Variants in EXOC4 observed in about 807,000 individuals in gnomAD.
The protein encoded by EXOC4 is SEC8-like 1.
In EXOC4, 71 loss-of-function variants were observed where a neutral mutation model predicts 107.2. The ratio of observed to expected loss-of-function variants is 0.66; its 90% CI spans 0.55 to 0.81. The LOEUF is 0.81. Ranked by LOEUF, EXOC4 falls within the 30% of genes least tolerant of loss-of-function variation. EXOC4 has a pLI of 0.00. For missense variants in EXOC4, 1,108 were observed against 1,189.6 expected (o/e 0.93, Z 1.01); for synonymous variants, 456 against 441.2 (o/e 1.03, Z -0.42).
intron 9 of EXOC4, among the ~76,000 whole-genome samples, chr7:133,481,740 C>G (rs1799163132): frequency 6.6e-6 from 1 of 152,106 alleles, no homozygotes; most frequent in South Asian, 2.1e-4. Context: ...AAAGGGTTGT[C>G]ATGCATTCTG....
chr7:133,844,378 C>CATTTTTTTT (rs1371732321), intron 11 of EXOC4, among the ~76,000 whole-genome samples: 1 of 83,346 alleles, frequency 1.2e-5, no homozygotes, highest in Non-Finnish European at 2.2e-5. Flanking sequence ...CCACATATTC[C>CATTTTTTTT]TTTTTTTTTT....
chr7:133,507,220 T>A (rs1799683037), intron 9 of EXOC4, among the ~76,000 whole-genome samples: 1 of 152,182 alleles, frequency 6.6e-6, no homozygotes, highest in South Asian at 2.1e-4. Context: ...TTAATTAACA[T>A]CCTACATTAG....
intron 6 of EXOC4, among the ~76,000 whole-genome samples, chr7:133,363,046 T>G (rs1332083494): frequency 1.3e-5 from 2 of 152,220 alleles, no homozygotes; most frequent in African/African-American, 4.8e-5. Flanking sequence ...GATGAGTAGT[T>G]AATTCGAATC....
In EXOC4 at chr7:134,064,279, T is replaced by C. The variant is rs765053771; in HGVS notation, c.2688-12T>C. 7.0e-7 allele frequency: 1 copy of C among 1,422,388 alleles called. No homozygotes were observed. Among genetic ancestry groups the C allele is most frequent in the Non-Finnish European group, 9.3e-7 (1 of 1,076,172 alleles). 88.1% of individuals were successfully genotyped at this position (1,422,388 alleles called of 1,614,324 possible). A position where few individuals can be genotyped will look rare whatever the true frequency, so the allele number is the denominator to read the frequency against. On this transcript the variant is annotated splice_polypyrimidine_tract_variant and intron_variant, in intron 17 of 17. Coordinates refer to ENST00000253861, the MANE Select transcript of EXOC4 (RefSeq NM_021807.4). ...GGGAGCCAGTGAGCAGTGTTCTCTCTTGCTTTCTCAGGCAGTACTACGAGA... is the reference window on the plus strand; with the variant it reads ...GGGAGCCAGTGAGCAGTGTTCTCTCCTGCTTTCTCAGGCAGTACTACGAGA...
chr7:133,420,469 G>T (rs955406302), intron 7 of EXOC4, among the ~76,000 whole-genome samples: 1 of 152,144 alleles, frequency 6.6e-6, no homozygotes, highest in Non-Finnish European at 1.5e-5. Flanking sequence ...AGCCAGCAGT[G>T]GGGTTGGTGG....
intron 6 of EXOC4, among the ~76,000 whole-genome samples, chr7:133,373,132 A>G (rs1796412972): frequency 6.6e-6 from 1 of 152,186 alleles, no homozygotes. Context: ...ACTGATCTGT[A>G]TGATGCCAGA....
chr7:133,844,951 G>A (rs1443238887), intron 11 of EXOC4, among the ~76,000 whole-genome samples: 1 of 151,996 alleles, frequency 6.6e-6, no homozygotes, highest in Non-Finnish European at 1.5e-5. Context: ...AAATTTCATT[G>A]TATCAAATAT....
At chr7:133,875,944 T>C (rs147196417) in intron 11 of EXOC4, among the ~76,000 whole-genome samples, 4 of 152,346 alleles carry the variant, frequency 2.6e-5, no homozygotes, top group African/African-American at 9.6e-5. Flanking sequence ...GGATTCAGTC[T>C]GCCTGAGTTT....
At chr7:133,773,726 G>T (rs1403899326) in intron 10 of EXOC4, among the ~76,000 whole-genome samples, 1 of 151,872 alleles carries the variant, frequency 6.6e-6, no homozygotes, top group African/African-American at 2.4e-5. Context: ...TTGCACTTAT[G>T]TACTCATTCA....
intron 10 of EXOC4, among the ~76,000 whole-genome samples, chr7:133,665,222 G>C (rs1018433323): frequency 2.6e-5 from 4 of 152,124 alleles, no homozygotes; most frequent in African/African-American, 9.7e-5. Flanking sequence ...TAATTTAAGT[G>C]AGAAGCATGT....
At chr7:133,820,207 TA>T (rs1034537745) in intron 11 of EXOC4, among the ~76,000 whole-genome samples, 7 of 149,348 alleles carry the variant, frequency 4.7e-5, no homozygotes, top group Non-Finnish European at 7.4e-5. Context: ...TTTTTTTCAT[TA>T]AAAAAATTTA....
intron 9 of EXOC4, among the ~76,000 whole-genome samples, chr7:133,512,439 AAG>A (rs1373910892): frequency 6.6e-6 from 1 of 152,040 alleles, no homozygotes; most frequent in South Asian, 2.1e-4. Context: ...AAAAAAAAAA[AAG>A]AAAATACATA....
chr7:133,508,065 AAAAAG>A (rs146481259), intron 9 of EXOC4, among the ~76,000 whole-genome samples: 8,424 of 152,094 alleles, frequency 0.055, 315 homozygotes, highest in Non-Finnish European at 0.069. Flanking sequence ...CCGTCTCAAA[AAAAAG>A]AAAAGAAAAG....
intron 10 of EXOC4, among the ~76,000 whole-genome samples, chr7:133,688,597 TA>T (rs1272328054): frequency 6.6e-6 from 1 of 152,196 alleles, no homozygotes; most frequent in Non-Finnish European, 1.5e-5. Context: ...AATATATTTT[TA>T]AACAAGTAAA....
intron 9 of EXOC4, among the ~76,000 whole-genome samples, chr7:133,550,143 C>T (rs1219441761): frequency 1.3e-5 from 2 of 152,118 alleles, no homozygotes; most frequent in Non-Finnish European, 2.9e-5. Flanking sequence ...CCTACACTGG[C>T]AGGGAGAGGT....
chr7:133,798,972 CA>C (rs1489273874), intron 10 of EXOC4, among the ~76,000 whole-genome samples: 1 of 151,968 alleles, frequency 6.6e-6, no homozygotes, highest in Non-Finnish European at 1.5e-5. Flanking sequence ...AGACTACAGA[CA>C]ATAAGGCTGA....
intron 10 of EXOC4, among the ~76,000 whole-genome samples, chr7:133,664,473 C>A (rs1370113627): frequency 6.6e-6 from 1 of 152,118 alleles, no homozygotes; most frequent in Admixed American, 6.5e-5. Context: ...ACTACAGTCT[C>A]AAGACAACAG....
intron 6 of EXOC4, among the ~76,000 whole-genome samples, chr7:133,370,746 C>T (rs749235424): frequency 2.0e-5 from 3 of 152,170 alleles, no homozygotes; most frequent in Non-Finnish European, 4.4e-5. Context: ...GAAAGGTAAC[C>T]ATTCTCCTCA....
At chr7:133,538,790 C>T (rs1451276602) in intron 9 of EXOC4, among the ~76,000 whole-genome samples, 8 of 150,798 alleles carry the variant, frequency 5.3e-5, no homozygotes, top group Non-Finnish European at 1.5e-5. Context: ...GTGATCCTGC[C>T]ACTGCACTGC....
Sources: allele counts gnomAD v4.1 joint callset (sites outside exome capture counted in the v4.1 genomes callset), GRCh38; gene constraint gnomAD v4.1.1; transcripts MANE v1.5; gene names NCBI Gene and HGNC (gene_info 2026-07-23, HGNC 2026-07-21).